ZBTB22: variants seen among roughly 807,000 people sequenced by gnomAD.
ZBTB22 encodes zinc finger and BTB domain containing 22.
For missense variants in ZBTB22, 668 were observed against 834.1 expected, an observed-to-expected ratio of 0.80 and a Z score of 2.45; for synonymous variants, 356 against 347.3, an observed-to-expected ratio of 1.03 and a Z score of -0.28.
Position 33,315,603 on chromosome 6 carries a change from T to C in ZBTB22, c.1314A>G (p.Ser438=). 6.2e-7 allele frequency: 1 copy of C among 1,613,602 alleles called. No homozygotes were observed. Among genetic ancestry groups the C allele is most frequent in the Admixed American group, 1.7e-5 (1 of 59,964 alleles). The part of the protein sequence containing the change: ...VFPSSSSSSS[S]QAPGQPPGNQ... ...TCCCTGGTGGTTGGCCAGGAGCCTGTGAGGATGAGGATGAAGACGACGACG... is the reference window on the plus strand; with the variant it reads ...TCCCTGGTGGTTGGCCAGGAGCCTGCGAGGATGAGGATGAAGACGACGACG... Residue 438 remains serine (S), a synonymous_variant, in exon 2 of 2, where the codon TCA becomes TCG. Transcript: ENST00000431845. This position sits in a 1 kb window ranked among gnomAD's most constrained non-coding sequence, Gnocchi z 5.4.
chr6:33,314,847 C>T lies in ZBTB22; in HGVS notation c.*165G>A. The T allele has an allele frequency of 7.5e-7, 1 of 1,335,556 alleles. No homozygotes were observed. The highest frequency in any genetic ancestry group is 9.8e-7 in the Non-Finnish European group (1 of 1,016,030). 82.7% of individuals were successfully genotyped at this position (1,335,556 alleles called of 1,614,324 possible). On this transcript the variant is annotated 3_prime_UTR_variant, in exon 2 of 2. Coordinates refer to ENST00000431845, the MANE Select transcript of ZBTB22 (RefSeq NM_005453.5). ...GGGAGGGGTTGAGTAGTAGAATGGG[C>T]GGGCGATGGTGAAACTGTGGTTCCC...
chr6:33,317,074 G>A (rs1421417956), intron 1 of ZBTB22, 89 bp from the exon 2 acceptor site: 3 of 878,316 alleles, frequency 3.4e-6, no homozygotes, highest in East Asian at 2.7e-5. Context: ...CTCATTATCT[G>A]TGTAACTCCC....
In ZBTB22 at chr6:33,315,029, C is replaced by T; in HGVS notation, c.1888G>A (p.Gly630Ser). ...CTGCCCCTTCAGTTTGCTCCTCCACCTCCACCGAAGCCCATCTCCACCTTG... is the reference window on the plus strand; with the variant it reads ...CTGCCCCTTCAGTTTGCTCCTCCACTTCCACCGAAGCCCATCTCCACCTTG... Reference protein sequence around the residue: ...VHKVEMGFGGGGGAN With the variant: ...VHKVEMGFGGSGGAN Residue 630 changes from glycine to serine, a missense_variant, in exon 2 of 2, where the codon GGT (glycine) becomes AGT (serine). Gly to Ser is a moderately conservative substitution (Grantham distance 56). Coordinates refer to ENST00000431845, the MANE Select transcript of ZBTB22 (RefSeq NM_005453.5). This position sits in a 1 kb window ranked among gnomAD's most constrained non-coding sequence, Gnocchi z 5.4. The T allele has an allele frequency of 1.3e-6, 2 of 1,555,332 alleles. No individual in the cohort carries two copies. The highest frequency in any genetic ancestry group is 1.7e-6 in the Non-Finnish European group (2 of 1,147,688).
In ZBTB22 at chr6:33,315,988, G is replaced by A. The variant is rs774058633; in HGVS notation, c.929C>T (p.Thr310Ile). Residue 310 changes from threonine to isoleucine, a missense_variant, in exon 2 of 2, where the codon ACA (threonine) becomes ATA (isoleucine). Transcript: ENST00000431845. This position sits in a 1 kb window ranked among gnomAD's most constrained non-coding sequence, Gnocchi z 5.4. ...ATCTGGGTCTTGGGGAACCAGGGGT[G>A]TTGGCGCTGGGCAATTACCACCTCG... ...VKRGGNCPAP[T>I]PLVPQDPDLE... The A allele has an allele frequency of 1.2e-6, 2 of 1,614,082 alleles. No homozygotes were observed. Among genetic ancestry groups the A allele is most frequent in the East Asian group, 2.2e-5 (1 of 44,872 alleles).
Position 33,316,801 on chromosome 6 carries a change from A to G in ZBTB22, c.116T>C (p.Val39Ala), listed in dbSNP as rs1368687678. 6.2e-7 allele frequency: 1 copy of G among 1,614,130 alleles called. No homozygotes were observed. The highest frequency in any genetic ancestry group is 1.7e-5 in the Admixed American group (1 of 60,024). ...AAVVHVSFPEVTSALLESLNQ... is the reference protein window; with the variant it reads ...AAVVHVSFPEATSALLESLNQ... ...GAGGGACTCCAAGAGGGCACTGGTC[A>G]CCTCAGGGAAGGACACATGTACCAC... Residue 39 changes from valine to alanine, a missense_variant, in exon 2 of 2, where the codon GTG (valine) becomes GCG (alanine). By Grantham distance (64) the Val-to-Ala change is moderately conservative. Coordinates refer to ENST00000431845, the MANE Select transcript of ZBTB22 (RefSeq NM_005453.5). The surrounding 1 kb of genome is among the most constrained non-coding windows in gnomAD (Gnocchi z 7.2).
In ZBTB22 at chr6:33,315,189, A is replaced by C; in HGVS notation, c.1728T>G (p.Pro576=). 6.2e-7 allele frequency: 1 copy of C among 1,612,136 alleles called. No individual in the cohort carries two copies. Among genetic ancestry groups the C allele is most frequent in the Non-Finnish European group, 8.5e-7 (1 of 1,179,106 alleles). The part of the protein sequence containing the change: ...RHRLGGVGAV[P]GPGTPTGPSL... Reference sequence around the variant, plus strand: ...ATGGCCCCGTGGGAGTCCCAGGCCCAGGTACGGCCCCGACCCCGCCCAGGC... The same window carrying C: ...ATGGCCCCGTGGGAGTCCCAGGCCCCGGTACGGCCCCGACCCCGCCCAGGC... Residue 576 remains proline (P), a synonymous_variant, in exon 2 of 2, where the codon CCT becomes CCG. Coordinates refer to ENST00000431845, the MANE Select transcript of ZBTB22 (RefSeq NM_005453.5). The surrounding 1 kb of genome is among the most constrained non-coding windows in gnomAD (Gnocchi z 5.4).
Position 33,315,349 on chromosome 6 carries a change from T to G in ZBTB22, c.1568A>C (p.Lys523Thr). 6.2e-7 allele frequency: 1 copy of G among 1,614,202 alleles called. No individual in the cohort carries two copies. Among genetic ancestry groups the G allele is most frequent in the Non-Finnish European group, 8.5e-7 (1 of 1,180,036 alleles). Residue 523 changes from lysine to threonine, a missense_variant, in exon 2 of 2, where the codon AAG (lysine) becomes ACG (threonine). Transcript: ENST00000431845. This position sits in a 1 kb window ranked among gnomAD's most constrained non-coding sequence, Gnocchi z 5.4. ...FDCPVCNKKF[K>T]MKHHLTEHMK... Reference sequence around the variant, plus strand: ...GTGCTCAGTCAGATGGTGCTTCATCTTGAACTTTTTGTTGCACACGGGGCA... The same window carrying G: ...GTGCTCAGTCAGATGGTGCTTCATCGTGAACTTTTTGTTGCACACGGGGCA...
chr6:33,316,967 A>C lies in ZBTB22; in HGVS notation c.-51T>G. The C allele has an allele frequency of 6.6e-7, 1 of 1,506,062 alleles. No homozygotes were observed. The highest frequency in any genetic ancestry group is 8.8e-7 in the Non-Finnish European group (1 of 1,130,934). The allele number at this position is 1,506,062 out of a possible 1,614,324, so 93.3% of individuals were successfully genotyped here. ...CAGCCACAGGAACAAAGAAAGGAGG[A>C]GGGCGGCCGGGGGGGTCTCTGGGAA... On this transcript the variant is annotated 5_prime_UTR_variant, in exon 2 of 2. Transcript: ENST00000431845. This position sits in a 1 kb window ranked among gnomAD's most constrained non-coding sequence, Gnocchi z 7.2.
rs1418413442 is a variant in ZBTB22 at position 33,315,185 on chromosome 6, G to T, written c.1732C>A (p.Pro578Thr). Residue 578 changes from proline (P) to threonine (T), a missense_variant, in exon 2 of 2, where the codon CCT (proline) becomes ACT (threonine). Physicochemically the swap from Pro to Thr is conservative, Grantham distance 38. Transcript: ENST00000431845. This position sits in a 1 kb window ranked among gnomAD's most constrained non-coding sequence, Gnocchi z 5.4. ...RLGGVGAVPGPGTPTGPSLPS... is the reference protein window; with the variant it reads ...RLGGVGAVPGTGTPTGPSLPS... ...AAGGATGGCCCCGTGGGAGTCCCAG[G>T]CCCAGGTACGGCCCCGACCCCGCCC... 1 of 1,612,394 alleles carries T rather than the reference G, an allele frequency of 6.2e-7. No individual in the cohort carries two copies. Among genetic ancestry groups the T allele is most frequent in the African/African-American group, 1.3e-5 (1 of 74,886 alleles).
In ZBTB22 at chr6:33,314,826, G is replaced by A. The variant is rs746477297; in HGVS notation, c.*186C>T. On this transcript the variant is annotated 3_prime_UTR_variant, in exon 2 of 2. Coordinates refer to ENST00000431845, the MANE Select transcript of ZBTB22 (RefSeq NM_005453.5). The stretch of plus-strand genomic sequence containing the variant: ...AGTTCTGGAAATACCTTGGGGGGGA[G>A]GGGTTGAGTAGTAGAATGGGCGGGC... 5.1e-6 allele frequency: 6 copies of A among 1,173,320 alleles called. No homozygotes were observed. Among genetic ancestry groups the A allele is most frequent in the Middle Eastern group, 2.6e-4 (1 of 3,876 alleles). The allele number at this position is 1,173,320 out of a possible 1,614,324, so 72.7% of individuals were successfully genotyped here.
rs747281276 is a variant in ZBTB22, at chr6:33,316,423, G to A, written c.494C>T (p.Ser165Phe). 1.2e-6 allele frequency: 2 copies of A among 1,614,144 alleles called. No homozygotes were observed. Among genetic ancestry groups the A allele is most frequent in the Non-Finnish European group, 1.7e-6 (2 of 1,180,030 alleles). Residue 165 changes from serine to phenylalanine, a missense_variant, in exon 2 of 2, where the codon TCT becomes TTT. Transcript: ENST00000431845. This position sits in a 1 kb window ranked among gnomAD's most constrained non-coding sequence, Gnocchi z 7.2. ...TTTITTAAATSVTVPGAGVPS... is the reference protein window; with the variant it reads ...TTTITTAAATFVTVPGAGVPS... ...CACCCCAGCACCAGGGACAGTGACA[G>A]AGGTGGCTGCAGCAGTAGTGATGGT...
Position 33,315,375 on chromosome 6 carries a change from G to C in ZBTB22, c.1542C>G (p.Asp514Glu). The C allele has an allele frequency of 3.7e-6, 6 of 1,614,214 alleles. No homozygotes were observed. Among genetic ancestry groups the C allele is most frequent in the Non-Finnish European group, 5.1e-6 (6 of 1,180,038 alleles). Residue 514 changes from aspartate (D) to glutamate (E), a missense_variant, in exon 2 of 2, where the codon GAC becomes GAG. Physicochemically the swap from Asp to Glu is conservative, Grantham distance 45. Coordinates refer to ENST00000431845, the MANE Select transcript of ZBTB22 (RefSeq NM_005453.5). This position sits in a 1 kb window ranked among gnomAD's most constrained non-coding sequence, Gnocchi z 5.4. ...VNMHLNLRPFDCPVCNKKFKM... is the reference protein window; with the variant it reads ...VNMHLNLRPFECPVCNKKFKM... The stretch of plus-strand genomic sequence containing the variant: ...TGAACTTTTTGTTGCACACGGGGCA[G>C]TCAAACGGCCGCAGATTGAGGTGCA...
rs1291095372 is a variant in ZBTB22, at chr6:33,315,069, G to T, written c.1848C>A (p.Ser616=). Residue 616 remains serine, a synonymous_variant, in exon 2 of 2, where the codon TCC becomes TCA. Transcript: ENST00000431845. This position sits in a 1 kb window ranked among gnomAD's most constrained non-coding sequence, Gnocchi z 5.4. ...TCTCCACCTTGTGGACTCTGGGTGG[G>T]GACCAGACACGTCTGCTGGACGGGG... ...ATPPSSRRVW[S]PPRVHKVEMG... is the part of the protein sequence containing the mutation. 2.5e-6 allele frequency: 4 copies of T among 1,597,004 alleles called. No homozygotes were observed. Among genetic ancestry groups the T allele is most frequent in the Non-Finnish European group, 3.4e-6 (4 of 1,168,760 alleles).
chr6:33,315,369 G>C lies in ZBTB22; in HGVS notation c.1548C>G (p.Pro516=). ...TCATCTTGAACTTTTTGTTGCACACGGGGCAGTCAAACGGCCGCAGATTGA... is the reference window on the plus strand; with the variant it reads ...TCATCTTGAACTTTTTGTTGCACACCGGGCAGTCAAACGGCCGCAGATTGA... ...MHLNLRPFDC[P]VCNKKFKMKH... is the part of the protein sequence containing the mutation. Residue 516 remains proline, a synonymous_variant, in exon 2 of 2, where the codon CCC becomes CCG. Coordinates refer to ENST00000431845, the MANE Select transcript of ZBTB22 (RefSeq NM_005453.5). The surrounding 1 kb of genome is among the most constrained non-coding windows in gnomAD (Gnocchi z 5.4). 1 of 1,614,190 alleles carries C rather than the reference G, an allele frequency of 6.2e-7. No homozygotes were observed. Among genetic ancestry groups the C allele is most frequent in the Non-Finnish European group, 8.5e-7 (1 of 1,180,044 alleles).
rs537208146 is a variant in ZBTB22, at chr6:33,317,087, C to A, written c.-69-102G>T. 1.9e-5 allele frequency: 15 copies of A among 770,876 alleles called. No individual in the cohort carries two copies. The South Asian group carries it at 2.8e-4, about 14-fold the overall frequency. The allele number at this position is 770,876 out of a possible 1,614,324, so 47.8% of individuals were successfully genotyped here. A position where few individuals can be genotyped will look rare whatever the true frequency, so the allele number is the denominator to read the frequency against. On this transcript the variant is annotated intron_variant, in intron 1 of 1. Coordinates refer to ENST00000431845, the MANE Select transcript of ZBTB22 (RefSeq NM_005453.5). ...CGCTCATTATCTGTGTAACTCCCCA[C>A]AACAGTGAGGTAGGTATTCCTCTCA...
Position 33,314,941 on chromosome 6 carries a change from G to A in ZBTB22, c.*71C>T, listed in dbSNP as rs541696204. 1.7e-5 allele frequency: 25 copies of A among 1,507,752 alleles called. No individual in the cohort carries two copies. In the African/African-American group the frequency reaches 2.5e-4, roughly 15 times the overall value. 93.4% of individuals were successfully genotyped at this position (1,507,752 alleles called of 1,614,324 possible). A position where few individuals can be genotyped will look rare whatever the true frequency, so the allele number is the denominator to read the frequency against. On this transcript the variant is annotated 3_prime_UTR_variant, in exon 2 of 2. Coordinates refer to ENST00000431845, the MANE Select transcript of ZBTB22 (RefSeq NM_005453.5). Reference sequence around the variant, plus strand: ...AAGTGTGGTGGGAGATCACCCGGGGGCCACAGCGCCCTTGCATCGTGCTCC... The same window carrying A: ...AAGTGTGGTGGGAGATCACCCGGGGACCACAGCGCCCTTGCATCGTGCTCC...
In ZBTB22 at chr6:33,315,626, A is replaced by G; in HGVS notation, c.1291T>C (p.Ser431Pro). The change falls in exon 2 of 2, where the codon TCG becomes CCG. Residue 431 changes from serine (S) to proline (P), a missense_variant. Physicochemically the swap from Ser to Pro is moderately conservative, Grantham distance 74. Coordinates refer to ENST00000431845, the MANE Select transcript of ZBTB22 (RefSeq NM_005453.5). The surrounding 1 kb of genome is among the most constrained non-coding windows in gnomAD (Gnocchi z 5.4). ...MQGNQILVFP[S>P]SSSSSSSQAP... ...TGTGAGGATGAGGATGAAGACGACG[A>G]CGGGAAGACCAGGATCTGGTTGCCC... is the stretch of plus-strand genomic sequence containing the variant. 6.2e-7 allele frequency: 1 copy of G among 1,613,914 alleles called. No homozygotes were observed. The highest frequency in any genetic ancestry group is 8.5e-7 in the Non-Finnish European group (1 of 1,179,954).
At position 33,316,064 on chromosome 6, in the gene ZBTB22, T is replaced by C. The variant is rs779558117; in HGVS notation, c.853A>G (p.Thr285Ala). ...VVPGAGLRRP[T>A]YTPPSIMPQK... Reference sequence around the variant, plus strand: ...GGCATGATGCTAGGGGGTGTGTAGGTGGGTCTCCGGAGCCCAGCCCCAGGA... The same window carrying C: ...GGCATGATGCTAGGGGGTGTGTAGGCGGGTCTCCGGAGCCCAGCCCCAGGA... Residue 285 changes from threonine (T) to alanine (A), a missense_variant, in exon 2 of 2, where the codon ACC becomes GCC. Coordinates refer to ENST00000431845, the MANE Select transcript of ZBTB22 (RefSeq NM_005453.5). The surrounding 1 kb of genome is among the most constrained non-coding windows in gnomAD (Gnocchi z 7.2). 1.2e-6 allele frequency: 2 copies of C among 1,613,636 alleles called. No homozygotes were observed. Among genetic ancestry groups the C allele is most frequent in the South Asian group, 1.1e-5 (1 of 91,064 alleles).
In ZBTB22 at chr6:33,315,609, TGAG is replaced by T. The variant is rs777614007; in HGVS notation, c.1305_1307del (p.Ser438del). 20 of 1,613,710 alleles carry T rather than the reference TGAG, an allele frequency of 1.2e-5. No homozygotes were observed. The South Asian group carries it at 1.6e-4, about 13-fold the overall frequency. ...GTGGTTGGCCAGGAGCCTGTGAGGA[TGAG>T]GATGAAGACGACGACGGGAAGACCA... On this transcript the variant is annotated inframe_deletion, in exon 2 of 2. Transcript: ENST00000431845. The surrounding 1 kb of genome is among the most constrained non-coding windows in gnomAD (Gnocchi z 5.4).
Sources: allele counts gnomAD v4.1 joint callset, GRCh38; gene constraint gnomAD v4.1.1; non-coding constraint Gnocchi (gnomAD v3.1); transcripts MANE v1.5; gene names NCBI Gene and HGNC (gene_info 2026-07-23, HGNC 2026-07-21).